TTC28: variants seen among roughly 807,000 people sequenced by gnomAD.
TTC28 encodes the protein tetratricopeptide repeat domain 28.
In TTC28, 61 loss-of-function variants were observed where a neutral mutation model predicts 198.0. The observed-to-expected ratio is 0.31, with a 90% confidence interval of 0.25 to 0.38. The LOEUF is 0.38. Among genes scored for constraint, TTC28 ranks in the 10% least tolerant of loss-of-function variants. TTC28 has a pLI of 1.00. For synonymous variants in TTC28, 1,171 were observed against 1,297.8 expected, an observed-to-expected ratio of 0.90 and a Z score of 2.10; for missense variants, 2,678 against 3,164.0, an observed-to-expected ratio of 0.85 and a Z score of 3.69.
intron 12 of TTC28, among the ~76,000 whole-genome samples, chr22:28,038,991 A>T (rs912042274): frequency 6.6e-5 from 10 of 152,324 alleles, no homozygotes; most frequent in African/African-American, 2.2e-4. Flanking sequence ...CACCAGTTAG[A>T]ATGGCGATCA....
At chr22:28,097,486 C>A (rs190372088) in intron 10 of TTC28, among the ~76,000 whole-genome samples, 31 of 152,300 alleles carry the variant, frequency 2.0e-4, no homozygotes, top group African/African-American at 7.2e-4. Context: ...CAAGCTTTTC[C>A]CATCTTTTAA....
At chr22:28,053,146 A>G (rs1463408497) in intron 12 of TTC28, among the ~76,000 whole-genome samples, 1 of 152,240 alleles carries the variant, frequency 6.6e-6, no homozygotes, top group Non-Finnish European at 1.5e-5. Context: ...AAATGCAAAG[A>G]ACGAAATGGC....
At chr22:28,398,165 T>C (rs2146091842) in intron 2 of TTC28, among the ~76,000 whole-genome samples, 1 of 152,276 alleles carries the variant, frequency 6.6e-6, no homozygotes, top group East Asian at 1.9e-4. Context: ...AGGATCTGGT[T>C]AAGTGCCTGA....
chr22:28,163,073 C>A lies in TTC28; in HGVS notation c.1441+19G>T. 6.6e-7 allele frequency: 1 copy of A among 1,523,144 alleles called. No homozygotes were observed. Among genetic ancestry groups the A allele is most frequent in the Non-Finnish European group, 8.8e-7 (1 of 1,132,594 alleles). 94.4% of individuals were successfully genotyped at this position (1,523,144 alleles called of 1,614,324 possible). ...CTCATGACTTTGACCTGGGCTCTTA[C>A]AGGCAACCCTGTTCTTACCTAGATT... On this transcript the variant is annotated intron_variant, in intron 6 of 22. Coordinates refer to ENST00000397906, the MANE Select transcript of TTC28 (RefSeq NM_001145418.2).
At chr22:28,624,397 T>C (rs1167438404) in intron 2 of TTC28, among the ~76,000 whole-genome samples, 2 of 149,942 alleles carry the variant, frequency 1.3e-5, no homozygotes, top group Non-Finnish European at 1.5e-5. Flanking sequence ...AAATCAAGAA[T>C]GATAAAACGA....
intron 2 of TTC28, among the ~76,000 whole-genome samples, chr22:28,344,211 G>A (rs2045874292): frequency 6.6e-6 from 1 of 151,250 alleles, no homozygotes. Flanking sequence ...GTTGTGTCTT[G>A]AAGCAGTGCT....
At position 28,163,336 on chromosome 22, in the gene TTC28, G is replaced by A. The variant is rs753172172; in HGVS notation, c.1197C>T (p.Asn399=). 1 of 1,552,092 alleles carries A rather than the reference G, an allele frequency of 6.4e-7. No homozygotes were observed. Among genetic ancestry groups the A allele is most frequent in the South Asian group, 1.2e-5 (1 of 84,062 alleles). ...TCCGGTAGTGATAGGCACTGCCCAG[G>A]TTGCTATAAGCCCGGGCCTCTTCTC... ...NKREEARAYS[N]LGSAYHYRRN... Residue 399 remains asparagine, a synonymous_variant, in exon 6 of 23, where the codon AAC becomes AAT. Coordinates refer to ENST00000397906, the MANE Select transcript of TTC28 (RefSeq NM_001145418.2).
chr22:28,223,285 C>T (rs1278101660), intron 5 of TTC28, among the ~76,000 whole-genome samples: 1 of 152,184 alleles, frequency 6.6e-6, no homozygotes, highest in African/African-American at 2.4e-5. Context: ...AGAATTTATA[C>T]AGTAGCATAA....
At chr22:28,405,985 A>T (rs964625540) in intron 2 of TTC28, among the ~76,000 whole-genome samples, 1 of 152,244 alleles carries the variant, frequency 6.6e-6, no homozygotes, top group Non-Finnish European at 1.5e-5. Context: ...GCTGCTATAC[A>T]CTGTCACTTC....
At position 28,040,082 on chromosome 22, in the gene TTC28, G is replaced by A. The variant is rs182799018; in HGVS notation, c.3933-9716C>T. On this transcript the variant is annotated intron_variant, in intron 12 of 22. Coordinates refer to ENST00000397906, the MANE Select transcript of TTC28 (RefSeq NM_001145418.2). ...TAGACCAATAACAGGTTCTGAAATT[G>A]AGGAAATAACCCATAGCCTACCAAA... is the stretch of plus-strand genomic sequence containing the variant. Among the ~76,000 whole-genome samples, 483 of 152,294 alleles carry A rather than the reference G, an allele frequency of 3.2e-3. 4 individuals carry two copies. The highest frequency in any genetic ancestry group is 0.01 in the African/African-American group (435 of 41,558).
At chr22:28,018,102 CAACT>C (rs756204642) in intron 13 of TTC28, among the ~76,000 whole-genome samples, 8 of 152,174 alleles carry the variant, frequency 5.3e-5, no homozygotes, top group Non-Finnish European at 1.2e-4. Flanking sequence ...GCTCACAGAC[CAACT>C]ATTTCTGGAG....
chr22:28,072,238 G>A (rs1023312749), intron 12 of TTC28, among the ~76,000 whole-genome samples: 8 of 152,166 alleles, frequency 5.3e-5, no homozygotes, highest in African/African-American at 1.9e-4. Context: ...TATGTTGACC[G>A]TGTGTGCCAG....
intron 5 of TTC28, among the ~76,000 whole-genome samples, chr22:28,269,381 T>G (rs1049588797): frequency 6.6e-6 from 1 of 152,188 alleles, no homozygotes. Context: ...TTCAAGTTGT[T>G]GTGGTGTCTC....
chr22:28,430,486 C>T (rs1441518040), intron 2 of TTC28, among the ~76,000 whole-genome samples: 1 of 152,052 alleles, frequency 6.6e-6, no homozygotes, highest in Admixed American at 6.5e-5. Context: ...ACAGGAGAGT[C>T]CCTTCATCAG....
intron 6 of TTC28, among the ~76,000 whole-genome samples, chr22:28,133,418 C>T (rs1212270828): frequency 4.6e-5 from 7 of 152,172 alleles, no homozygotes; most frequent in Admixed American, 3.9e-4. Flanking sequence ...GAGGCATCAC[C>T]TCACTCAGGA....
chr22:28,592,287 G>C (rs1427588816), intron 2 of TTC28, among the ~76,000 whole-genome samples: 1 of 152,040 alleles, frequency 6.6e-6, no homozygotes, highest in Admixed American at 6.6e-5. Flanking sequence ...AAAGTGTGAG[G>C]CTACAGTGAG....
intron 5 of TTC28, among the ~76,000 whole-genome samples, chr22:28,216,797 C>G (rs566984929): frequency 6.6e-6 from 1 of 152,282 alleles, no homozygotes; most frequent in East Asian, 1.9e-4. Context: ...TCACATCTTA[C>G]TGCAGCCTCA....
chr22:28,676,076 C>T (rs1271911056), intron 1 of TTC28, among the ~76,000 whole-genome samples: 2 of 151,248 alleles, frequency 1.3e-5, no homozygotes, highest in African/African-American at 4.9e-5. Context: ...TTCATAGCAG[C>T]ATTATTCATA....
At chr22:28,477,820 C>T (rs886094292) in intron 2 of TTC28, among the ~76,000 whole-genome samples, 1 of 152,174 alleles carries the variant, frequency 6.6e-6, no homozygotes, top group African/African-American at 2.4e-5. Context: ...TGTTCTTTCC[C>T]TTCTGGCTTC....
Sources: allele counts gnomAD v4.1 joint callset (sites outside exome capture counted in the v4.1 genomes callset), GRCh38; gene constraint gnomAD v4.1.1; transcripts MANE v1.5; gene names NCBI Gene and HGNC (gene_info 2026-07-23, HGNC 2026-07-21).